XPR1: variants seen among roughly 807,000 people sequenced by gnomAD.
XPR1 encodes the protein solute carrier family 53 member 1.
In XPR1, 28 loss-of-function variants were observed where a neutral mutation model predicts 87.5. The ratio of observed to expected loss-of-function variants is 0.32; its 90% CI spans 0.24 to 0.44. XPR1 has a LOEUF of 0.44. Among genes scored for constraint, XPR1 ranks in the 20% least tolerant of loss-of-function variants. The probability of loss-of-function intolerance (pLI) is 1.00; values close to 1 mark genes in which losing one functional copy is unlikely to be tolerated. For missense variants in XPR1, 559 were observed against 862.3 expected (o/e 0.65, Z 4.41); for synonymous variants, 300 against 306.1 (o/e 0.98, Z 0.21).
chr1:180,674,336 A>G (rs978596132), intron 1 of XPR1, among the ~76,000 whole-genome samples: 3 of 152,086 alleles, frequency 2.0e-5, no homozygotes, highest in Non-Finnish European at 4.4e-5. Context: ...TCGGCTCACC[A>G]CAACTGCCGC....
intron 2 of XPR1, among the ~76,000 whole-genome samples, chr1:180,723,917 CT>C (rs1658253715): frequency 6.6e-6 from 1 of 152,124 alleles, no homozygotes; most frequent in Non-Finnish European, 1.5e-5. Context: ...ACCATTAGTG[CT>C]TTTCAGTCTT....
At chr1:180,658,236 T>C (rs1477867492) in intron 1 of XPR1, among the ~76,000 whole-genome samples, 2 of 152,214 alleles carry the variant, frequency 1.3e-5, no homozygotes, top group African/African-American at 4.8e-5. Context: ...TCTGCAAACA[T>C]GAATAGTTTG....
At chr1:180,757,868 G>GA (rs1647813919) in intron 2 of XPR1, among the ~76,000 whole-genome samples, 1 of 16,080 alleles carries the variant, frequency 6.2e-5, no homozygotes, top group Non-Finnish European at 1.1e-4. Context: ...TGTTGAAAAT[G>GA]TAAAAAAAAA....
chr1:180,839,531 A>T (rs1651432180), intron 11 of XPR1, among the ~76,000 whole-genome samples: 1 of 152,208 alleles, frequency 6.6e-6, no homozygotes, highest in African/African-American at 2.4e-5. Context: ...GATTACACTC[A>T]TCTGAGCTAT....
chr1:180,753,816 T>C (rs1426359186), intron 2 of XPR1, among the ~76,000 whole-genome samples: 5 of 152,212 alleles, frequency 3.3e-5, no homozygotes, highest in Admixed American at 2.6e-4. Flanking sequence ...GTTAACAAAT[T>C]GGTGAATATG....
At chr1:180,727,765 G>T (rs1318596139) in intron 2 of XPR1, among the ~76,000 whole-genome samples, 1 of 152,210 alleles carries the variant, frequency 6.6e-6, no homozygotes, top group Non-Finnish European at 1.5e-5. Flanking sequence ...GTTATTTCTT[G>T]ATTATGTGCT....
intron 1 of XPR1, among the ~76,000 whole-genome samples, chr1:180,647,448 G>A (rs373029134): frequency 1.3e-5 from 2 of 152,224 alleles, no homozygotes; most frequent in East Asian, 1.9e-4. Context: ...TATGTGGTCT[G>A]TTGTTGACCA....
intron 1 of XPR1, among the ~76,000 whole-genome samples, chr1:180,674,135 A>G (rs555592884): frequency 6.6e-6 from 1 of 152,324 alleles, no homozygotes; most frequent in African/African-American, 2.4e-5. Flanking sequence ...AGTTTTTATG[A>G]TAGTCCTCAT....
At chr1:180,810,557 C>A (rs564031446) in intron 6 of XPR1, among the ~76,000 whole-genome samples, 9 of 151,032 alleles carry the variant, frequency 6.0e-5, no homozygotes, top group Non-Finnish European at 8.8e-5. Context: ...CCAGCCTAGG[C>A]GATAGGACGA....
intron 14 of XPR1, among the ~76,000 whole-genome samples, chr1:180,882,860 T>C (rs577949065): frequency 3.9e-5 from 6 of 152,352 alleles, no homozygotes; most frequent in African/African-American, 1.2e-4. Flanking sequence ...TTAGGTCTTC[T>C]CTTCTGCTGG....
chr1:180,782,875 CATGT>C (rs2102082235), intron 2 of XPR1, among the ~76,000 whole-genome samples: 1 of 151,978 alleles, frequency 6.6e-6, no homozygotes, highest in Admixed American at 6.6e-5. Flanking sequence ...GGGGAAAACT[CATGT>C]CACCTAGGCT....
rs980906512 is a variant in XPR1, at chr1:180,886,187, T to C, written c.*2121T>C. On this transcript the variant is annotated 3_prime_UTR_variant, in exon 15 of 15. Transcript: ENST00000367590. Reference sequence around the variant, plus strand: ...AAGGTTGCATTATTTATACTTGAGATTTTTTTCCCCTAACTATTCTGTTTT... The same window carrying C: ...AAGGTTGCATTATTTATACTTGAGACTTTTTTCCCCTAACTATTCTGTTTT... 1 of 152,204 alleles carries C rather than the reference T, an allele frequency of 6.6e-6. No individual in the cohort carries two copies. Among genetic ancestry groups the C allele is most frequent in the African/African-American group, 2.4e-5 (1 of 41,448 alleles). 9.4% of individuals were successfully genotyped at this position (152,204 alleles called of 1,614,324 possible).
At chr1:180,765,462 C>T (rs1303593730) in intron 2 of XPR1, among the ~76,000 whole-genome samples, 1 of 152,042 alleles carries the variant, frequency 6.6e-6, no homozygotes, top group Non-Finnish European at 1.5e-5. Flanking sequence ...TCTTAGCCTC[C>T]GAAAATCTAG....
chr1:180,881,869 AAG>A (rs1652861650), intron 14 of XPR1, among the ~76,000 whole-genome samples: 1 of 152,162 alleles, frequency 6.6e-6, no homozygotes, highest in Non-Finnish European at 1.5e-5. Context: ...AAGAGAAAAA[AAG>A]AAAATAAACA....
At position 180,709,252 on chromosome 1, in the gene XPR1, T is replaced by C. The variant is rs1260582232; in HGVS notation, c.121+26841T>C. On this transcript the variant is annotated intron_variant, in intron 2 of 14. Transcript: ENST00000367590. Reference sequence around the variant, plus strand: ...AAGTTTTAAAGAAAAGCAGCTTTTATCTCTCCTGGTTAGTGTGTTTTTTAA... The same window carrying C: ...AAGTTTTAAAGAAAAGCAGCTTTTACCTCTCCTGGTTAGTGTGTTTTTTAA... Among the ~76,000 whole-genome samples the C allele has an allele frequency of 2.0e-5, 3 of 152,248 alleles. No individual in the cohort carries two copies. In the East Asian group the frequency reaches 5.8e-4, roughly 29 times the overall value.
At chr1:180,715,629 A>G (rs183136709) in intron 2 of XPR1, among the ~76,000 whole-genome samples, 5 of 152,250 alleles carry the variant, frequency 3.3e-5, no homozygotes, top group African/African-American at 2.4e-5. Flanking sequence ...GAAAAGGTCA[A>G]TGATCAACAA....
intron 2 of XPR1, among the ~76,000 whole-genome samples, chr1:180,776,863 CTTTT>C (rs1038756096): frequency 4.6e-5 from 7 of 151,976 alleles, no homozygotes; most frequent in Non-Finnish European, 4.4e-5. Context: ...AGTGAAAAGA[CTTTT>C]TTGTGTGTGT....
chr1:180,687,515 T>C (rs2101952264), intron 2 of XPR1, among the ~76,000 whole-genome samples: 1 of 152,258 alleles, frequency 6.6e-6, no homozygotes, highest in Non-Finnish European at 1.5e-5. Flanking sequence ...AGTGAATTAG[T>C]AGCTTCTTAG....
chr1:180,840,261 C>T (rs1651459021), intron 11 of XPR1, among the ~76,000 whole-genome samples: 1 of 151,312 alleles, frequency 6.6e-6, no homozygotes. Flanking sequence ...GAAGTGTTGC[C>T]CTCCTCTTCC....
Sources: allele counts gnomAD v4.1 joint callset (sites outside exome capture counted in the v4.1 genomes callset), GRCh38; gene constraint gnomAD v4.1.1; transcripts MANE v1.5; gene names NCBI Gene and HGNC (gene_info 2026-07-23, HGNC 2026-07-21).